The following SLC35A1 variants were observed in gnomAD, a reference collection of about 807,000 sequenced individuals.
SLC35A1 encodes the protein solute carrier family 35 member A1.
Under a neutral mutation model 40.3 loss-of-function variants are expected in SLC35A1, and 21 were observed. The ratio of observed to expected loss-of-function variants is 0.52; its 90% CI spans 0.37 to 0.75. The LOEUF is 0.75. SLC35A1 is among the 30% of genes least tolerant of loss of function. The probability of loss-of-function intolerance (pLI) is 0.00; values close to 1 mark genes in which losing one functional copy is unlikely to be tolerated. For synonymous variants in SLC35A1, 146 were observed against 147.3 expected (o/e 0.99, Z 0.06); for missense variants, 297 against 382.1 (o/e 0.78, Z 1.86).
At chr6:87,492,380 G>A (rs1769579659) in intron 2 of SLC35A1, among the ~76,000 whole-genome samples, 1 of 151,406 alleles carries the variant, frequency 6.6e-6, no homozygotes, top group African/African-American at 2.4e-5. Context: ...TATTAACACA[G>A]GCCATTTAAT....
intron 2 of SLC35A1, among the ~76,000 whole-genome samples, chr6:87,483,258 G>T: frequency 6.7e-6 from 1 of 149,636 alleles, no homozygotes; most frequent in East Asian, 2.0e-4. Context: ...TTTCCTCTCT[G>T]CTGGTCTTTC....
At chr6:87,473,617 G>GCAGTTAGAAGGAACACT (rs3831872) in intron 1 of SLC35A1, among the ~76,000 whole-genome samples, 57,754 of 152,068 alleles carry the variant, frequency 0.38, 11,057 homozygotes, top group Admixed American at 0.46. Context: ...AATGCTGTAT[G>GCAGTTAGAAGGAACACT]CTGCTATTTG....
rs182858677 is a variant in SLC35A1, at chr6:87,504,140, A to T, written c.508-2242A>T. Among the ~76,000 whole-genome samples the T allele has an allele frequency of 3.9e-5, 6 of 152,136 alleles. No individual in the cohort carries two copies. In the East Asian group the frequency reaches 1.2e-3, roughly 29 times the overall value. ...CCATGTCTCTACAAAAAAATTTAAAACTTAGCTAGATGTGGTGATGCATGC... is the reference window on the plus strand; with the variant it reads ...CCATGTCTCTACAAAAAAATTTAAATCTTAGCTAGATGTGGTGATGCATGC... On this transcript the variant is annotated intron_variant, in intron 4 of 7. Coordinates refer to ENST00000369552, the MANE Select transcript of SLC35A1 (RefSeq NM_006416.5).
intron 2 of SLC35A1, among the ~76,000 whole-genome samples, chr6:87,478,720 G>A (rs1369397511): frequency 5.9e-5 from 9 of 152,108 alleles, no homozygotes; most frequent in African/African-American, 9.7e-5. Context: ...GAAGTAGTTC[G>A]AATATGAAAA....
intron 3 of SLC35A1, 83 bp downstream of exon 3, chr6:87,500,750 T>C (rs1012442407): frequency 7.2e-5 from 18 of 249,666 alleles, no homozygotes; most frequent in African/African-American, 5.3e-4. Flanking sequence ...ATATTATCAA[T>C]TTTTTTTTTT....
chr6:87,502,511 C>T (rs548151569), intron 4 of SLC35A1, among the ~76,000 whole-genome samples: 2 of 152,298 alleles, frequency 1.3e-5, no homozygotes, highest in East Asian at 3.9e-4. Context: ...AGTATATAGC[C>T]TATTGTTCCT....
Position 87,506,464 on chromosome 6 carries a change from A to G in SLC35A1, c.574+16A>G, listed in dbSNP as rs777171961. On this transcript the variant is annotated intron_variant, in intron 5 of 7. Coordinates refer to ENST00000369552, the MANE Select transcript of SLC35A1 (RefSeq NM_006416.5). ...GGATTTGCAGGTAAATCATGAAAGC[A>G]TTGTTTTATTCTTTTGTCATATTTT... is the stretch of plus-strand genomic sequence containing the variant. The G allele has an allele frequency of 1.2e-6, 2 of 1,606,558 alleles. No individual in the cohort carries two copies. Among genetic ancestry groups the G allele is most frequent in the Admixed American group, 1.7e-5 (1 of 60,010 alleles).
intron 5 of SLC35A1, 104 bp from the exon 6 acceptor site, chr6:87,508,316 C>A: frequency 1.3e-6 from 1 of 776,504 alleles, no homozygotes; most frequent in Non-Finnish European, 2.1e-6. Context: ...TTTTGTTCCC[C>A]AAATCATATA....
rs1204924470 is a variant in SLC35A1, at chr6:87,512,295, T to A, written c.*769T>A. ...TGTGAAATTTCAGTGTTTTCTATAA[T>A]GTTAATGGGGAAATTCAGCAATAAA... is the stretch of plus-strand genomic sequence containing the variant. On this transcript the variant is annotated 3_prime_UTR_variant, in exon 8 of 8. Transcript: ENST00000369552. The A allele has an allele frequency of 6.5e-6, 1 of 152,702 alleles. No homozygotes were observed. Among genetic ancestry groups the A allele is most frequent in the Non-Finnish European group, 1.5e-5 (1 of 68,072 alleles). 9.5% of individuals were successfully genotyped at this position (152,702 alleles called of 1,614,324 possible).
chr6:87,476,948 G>A (rs1769091613), intron 1 of SLC35A1, among the ~76,000 whole-genome samples: 1 of 152,108 alleles, frequency 6.6e-6, no homozygotes, highest in African/African-American at 2.4e-5. Context: ...GAACCTGGGA[G>A]GTGGAGGTTG....
chr6:87,484,323 A>G (rs753302930), intron 2 of SLC35A1, among the ~76,000 whole-genome samples: 15 of 152,186 alleles, frequency 9.9e-5, no homozygotes, highest in Non-Finnish European at 2.2e-4. Flanking sequence ...ATTGTTATAA[A>G]GTTTTGGTGC....
intron 7 of SLC35A1, among the ~76,000 whole-genome samples, chr6:87,510,186 T>C (rs9450721): frequency 0.39 from 58,840 of 152,002 alleles, 11,495 homozygotes; most frequent in Admixed American, 0.47. Context: ...TAGAGTAGTG[T>C]TTGACACTAC....
chr6:87,507,382 T>C (rs1013168109), intron 5 of SLC35A1, among the ~76,000 whole-genome samples: 3 of 152,172 alleles, frequency 2.0e-5, no homozygotes, highest in African/African-American at 7.2e-5. Context: ...AAATATGCTA[T>C]TTGATTTTTT....
In SLC35A1 at chr6:87,511,424, T is replaced by G. The variant is rs1233300124; in HGVS notation, c.912T>G (p.Leu304=). ...QITLTFALGT[L]LVCVSIYLYG... Reference sequence around the variant, plus strand: ...CACTCACCTTTGCCCTGGGTACTCTTCTTGTATGTGTTTCCATATATCTCT... The same window carrying G: ...CACTCACCTTTGCCCTGGGTACTCTGCTTGTATGTGTTTCCATATATCTCT... Residue 304 remains leucine, a synonymous_variant, in exon 8 of 8, where the codon CTT becomes CTG. Transcript: ENST00000369552. The G allele has an allele frequency of 5.0e-6, 8 of 1,613,974 alleles. No individual in the cohort carries two copies. The highest frequency in any genetic ancestry group is 6.8e-6 in the Non-Finnish European group (8 of 1,179,888).
chr6:87,473,443 A>G (rs1224456757), intron 1 of SLC35A1, among the ~76,000 whole-genome samples: 1 of 152,178 alleles, frequency 6.6e-6, no homozygotes, highest in Non-Finnish European at 1.5e-5. Context: ...GTGGATGCTC[A>G]GAGGCTTAAA....
rs114613885 is a variant in SLC35A1 at position 87,497,822 on chromosome 6, G to A, written c.195-2686G>A. ...TAGCTCACTGTAGCTTCAAACTCCT[G>A]GGCTCAAGTGATGCTCCCACCTCAG... On this transcript the variant is annotated intron_variant, in intron 2 of 7. Transcript: ENST00000369552. 2.6e-3 allele frequency among the ~76,000 whole-genome samples: 392 copies of A among 152,078 alleles called. 2 individuals are homozygous for A. The highest frequency in any genetic ancestry group is 0.02 in the Middle Eastern group (6 of 294).
intron 2 of SLC35A1, among the ~76,000 whole-genome samples, chr6:87,482,704 A>C (rs1769279404): frequency 6.6e-6 from 1 of 152,166 alleles, no homozygotes; most frequent in Admixed American, 6.6e-5. Flanking sequence ...ATTAATTAAG[A>C]TTTAGATCCC....
Position 87,509,127 on chromosome 6 carries a change from A to G in SLC35A1, c.838A>G (p.Ile280Val). ...GAAAGGCTTTTCTGCAGCAGCGGCCATTGTCCTTTCCACCATTGCTTCAGT... is the reference window on the plus strand; with the variant it reads ...GAAAGGCTTTTCTGCAGCAGCGGCCGTTGTCCTTTCCACCATTGCTTCAGT... Reference protein sequence around the residue: ...IMKGFSAAAAIVLSTIASVML... With the variant: ...IMKGFSAAAAVVLSTIASVML... Residue 280 changes from isoleucine to valine, a missense_variant, in exon 7 of 8, where the codon ATT becomes GTT. Physicochemically the swap from Ile to Val is conservative, Grantham distance 29. Coordinates refer to ENST00000369552, the MANE Select transcript of SLC35A1 (RefSeq NM_006416.5). The G allele has an allele frequency of 1.2e-6, 2 of 1,614,154 alleles. No individual in the cohort carries two copies. The highest frequency in any genetic ancestry group is 1.7e-6 in the Non-Finnish European group (2 of 1,179,992).
chr6:87,504,983 G>A (rs1770033640), intron 4 of SLC35A1, among the ~76,000 whole-genome samples: 1 of 152,186 alleles, frequency 6.6e-6, no homozygotes. Flanking sequence ...CAACTGGAAG[G>A]TTGGTTGAAA....
Sources: gnomAD v4.1 joint callset for allele counts (sites outside exome capture counted in the v4.1 genomes callset) on GRCh38, gnomAD v4.1.1 for gene constraint, MANE v1.5 for transcripts, NCBI Gene and HGNC (gene_info 2026-07-23, HGNC 2026-07-21) for gene names.